The following CYP2W1 variants were observed in gnomAD, a reference collection of about 807,000 sequenced individuals.
CYP2W1 encodes cytochrome P450 family 2 subfamily W member 1, also known as cytochrome P450 2W1.
Under a neutral mutation model 44.9 loss-of-function variants are expected in CYP2W1, and 51 were observed. That is an observed-to-expected ratio of 1.14 (90% CI 0.91 to 1.43). CYP2W1 has a LOEUF of 1.43. CYP2W1 is among the 40% of genes most tolerant of loss of function. The probability of loss-of-function intolerance (pLI) is 0.00; values close to 1 mark genes in which losing one functional copy is unlikely to be tolerated. For synonymous variants in CYP2W1, 383 were observed against 338.3 expected, an observed-to-expected ratio of 1.13 and a Z score of -1.45; for missense variants, 746 against 700.0, an observed-to-expected ratio of 1.07 and a Z score of -0.74.
Position 988,661 on chromosome 7 carries a change from C to A in CYP2W1, c.1312C>A (p.Leu438Met). ...CCGCCGCGTCTGTGTTGGGGAGCGC[C>A]TGGCCAGGACCGAGCTCTTCCTGCT... ...AGRRVCVGERLARTELFLLFA... is the reference protein window; with the variant it reads ...AGRRVCVGERMARTELFLLFA... The change falls in exon 9 of 9, where the codon CTG becomes ATG. Residue 438 changes from leucine to methionine, a missense_variant. By Grantham distance (15) the Leu-to-Met change is conservative. Transcript: ENST00000308919. 2 of 1,601,416 alleles carry A rather than the reference C, an allele frequency of 1.2e-6. No individual in the cohort carries two copies. The highest frequency in any genetic ancestry group is 1.7e-6 in the Non-Finnish European group (2 of 1,179,566).
At chr7:986,023 G>A (rs895332122) in intron 4 of CYP2W1, among the ~76,000 whole-genome samples, 18 of 152,282 alleles carry the variant, frequency 1.2e-4, no homozygotes, top group African/African-American at 4.3e-4. Context: ...GAGCCCACCT[G>A]GAAGATGGAG....
rs1848627307 is a variant in CYP2W1, at chr7:989,110, C to T, written c.*288C>T. ...CCACTCTCCCACCCCTGAAGCTGCA[C>T]TCCCACCCACCTAGCTCCCCCCAGG... On this transcript the variant is annotated 3_prime_UTR_variant, in exon 9 of 9. Coordinates refer to ENST00000308919, the MANE Select transcript of CYP2W1 (RefSeq NM_017781.3). The T allele has an allele frequency of 4.7e-6, 2 of 424,930 alleles. No individual in the cohort carries two copies. Among genetic ancestry groups the T allele is most frequent in the Non-Finnish European group, 8.4e-6 (2 of 239,152 alleles). 26.3% of individuals were successfully genotyped at this position (424,930 alleles called of 1,614,324 possible). A position where few individuals can be genotyped will look rare whatever the true frequency, so the allele number is the denominator to read the frequency against.
At position 983,373 on chromosome 7, in the gene CYP2W1, G is replaced by A; in HGVS notation, c.162G>A (p.Arg54=). The A allele has an allele frequency of 6.6e-7, 1 of 1,520,874 alleles. No homozygotes were observed. The allele number at this position is 1,520,874 out of a possible 1,614,324, so 94.2% of individuals were successfully genotyped here. The part of the protein sequence containing the change: ...LHLLRLSQQD[R]SLMELSERYG... ...TGCTGCGTCTGTCGCAACAGGACCG[G>A]TCCCTGATGGAGGTAAGTCAGGGAG... is the stretch of plus-strand genomic sequence containing the variant. Residue 54 remains arginine (R), a synonymous_variant, in exon 1 of 9, where the codon CGG becomes CGA. Transcript: ENST00000308919.
chr7:987,639 C>A (rs1272039011), intron 7 of CYP2W1, 108 bp downstream of exon 7: 2 of 1,112,742 alleles, frequency 1.8e-6, no homozygotes, highest in Non-Finnish European at 2.5e-6. Flanking sequence ...GATGGCCCAG[C>A]GCTCCCCGAC....
At position 989,229 on chromosome 7, in the gene CYP2W1, C is replaced by G. The variant is rs1848637584; in HGVS notation, c.*407C>G. On this transcript the variant is annotated 3_prime_UTR_variant, in exon 9 of 9. Transcript: ENST00000308919. ...CAGGTGGGTGTCCTCAGCGTGCGAG[C>G]CCTGCACCCCCCAGGTCCTGGGACT... The G allele has an allele frequency of 9.7e-6, 2 of 206,228 alleles. No individual in the cohort carries two copies. Among genetic ancestry groups the G allele is most frequent in the Non-Finnish European group, 2.0e-5 (2 of 102,424 alleles). 12.8% of individuals were successfully genotyped at this position (206,228 alleles called of 1,614,324 possible).
rs61733260 is a variant in CYP2W1 at position 986,749 on chromosome 7, G to A, written c.771G>A (p.Pro257=). ...AGGCGCGGAGGCCCCACGTGTGCCCGGGGGACCCCGTGTGCAGCTATGTGG... is the reference window on the plus strand; with the variant it reads ...AGGCGCGGAGGCCCCACGTGTGCCCAGGGGACCCCGTGTGCAGCTATGTGG... ...LLEARRPHVC[P]GDPVCSYVDA... The change falls in exon 5 of 9, where the codon CCG becomes CCA. Residue 257 remains proline (P), a synonymous_variant. Transcript: ENST00000308919. The A allele has an allele frequency of 4.7e-3, 7,606 of 1,605,546 alleles. 275 individuals are homozygous for A. The African/African-American group carries it at 0.084, about 18-fold the overall frequency.
At chr7:988,179 G>A in intron 7 of CYP2W1, 98 bp from the exon 8 acceptor site, 4 of 1,362,708 alleles carry the variant, frequency 2.9e-6, no homozygotes, top group Non-Finnish European at 4.0e-6. Flanking sequence ...GGTGTGGTGG[G>A]TGTGGCAGGA....
Position 987,627 on chromosome 7 carries a change from C to T in CYP2W1, c.1143+96C>T, listed in dbSNP as rs1848469151. The T allele has an allele frequency of 4.9e-6, 6 of 1,229,868 alleles. 1 individual carries two copies. The highest frequency in any genetic ancestry group is 5.6e-5 in the Admixed American group (2 of 36,036). 76.2% of individuals were successfully genotyped at this position (1,229,868 alleles called of 1,614,324 possible). ...GGACGGCTGAGCGTCTGGTGGGTGC[C>T]TGATGGCCCAGCGCTCCCCGACCGG... On this transcript the variant is annotated intron_variant, in intron 7 of 8. Transcript: ENST00000308919.
rs1480787300 is a variant in CYP2W1 at position 987,189 on chromosome 7, C to A, written c.902C>A (p.Thr301Asn). The A allele has an allele frequency of 3.2e-6, 5 of 1,555,462 alleles. No individual in the cohort carries two copies. The South Asian group carries it at 3.5e-5, about 11-fold the overall frequency. ...ATGGTCATGGCCGGGACGGAGACGA[C>A]CTCGGCCACGCTGCAGTGGGCCGCA... ...LDMVMAGTET[T>N]SATLQWAALL... Residue 301 changes from threonine to asparagine, a missense_variant, in exon 6 of 9, where the codon ACC becomes AAC. Transcript: ENST00000308919.
rs758508511 is a variant in CYP2W1 at position 985,363 on chromosome 7, T to G, written c.645+40T>G. 1.2e-5 allele frequency: 18 copies of G among 1,536,434 alleles called. No individual in the cohort carries two copies. The South Asian group carries it at 2.2e-4, about 18-fold the overall frequency. Reference sequence around the variant, plus strand: ...CCCATCCTTGGGGTGGGGTGGAGCCTGGAGTGATGGGCGTGCAGCAGGAGG... The same window carrying G: ...CCCATCCTTGGGGTGGGGTGGAGCCGGGAGTGATGGGCGTGCAGCAGGAGG... On this transcript the variant is annotated intron_variant, in intron 4 of 8. Coordinates refer to ENST00000308919, the MANE Select transcript of CYP2W1 (RefSeq NM_017781.3).
chr7:984,631 G>C (rs1848187516), intron 2 of CYP2W1, 57 bp downstream of exon 2: 1 of 1,510,832 alleles, frequency 6.6e-7, no homozygotes, highest in Admixed American at 2.3e-5. Context: ...CTGGACCCCA[G>C]GAGGGGTGGG....
At chr7:987,702 C>A (rs1009301507) in intron 7 of CYP2W1, among the ~76,000 whole-genome samples, 171 bp downstream of exon 7, 11 of 152,216 alleles carry the variant, frequency 7.2e-5, no homozygotes, top group African/African-American at 2.4e-4. Flanking sequence ...AGCCCTCTCA[C>A]CCCACAGCCC....
In CYP2W1 at chr7:987,209, G is replaced by A; in HGVS notation, c.922G>A (p.Ala308Thr). ...TETTSATLQW[A>T]ALLMGRHPDV... ...GACGACCTCGGCCACGCTGCAGTGG[G>A]CCGCACTTCTGATGGGCCGGCACCC... The change falls in exon 6 of 9, where the codon GCC (alanine) becomes ACC (threonine). Residue 308 changes from alanine (A) to threonine (T), a missense_variant. Physicochemically the swap from Ala to Thr is moderately conservative, Grantham distance 58. Coordinates refer to ENST00000308919, the MANE Select transcript of CYP2W1 (RefSeq NM_017781.3). The A allele has an allele frequency of 1.9e-6, 3 of 1,546,230 alleles. No homozygotes were observed. The highest frequency in any genetic ancestry group is 2.6e-6 in the Non-Finnish European group (3 of 1,145,558).
At position 984,345 on chromosome 7, in the gene CYP2W1, C is replaced by T. The variant is rs1277192493; in HGVS notation, c.175-67C>T. The T allele has an allele frequency of 7.4e-6, 11 of 1,477,472 alleles. No individual in the cohort carries two copies. The African/African-American group carries it at 2.0e-4, about 27-fold the overall frequency. The allele number at this position is 1,477,472 out of a possible 1,614,324, so 91.5% of individuals were successfully genotyped here. On this transcript the variant is annotated intron_variant, in intron 1 of 8. Transcript: ENST00000308919. Reference sequence around the variant, plus strand: ...CCACCCCTACCCAGCACAGGCCCGGCCTGAGGGGACCTAAGGGGGGTCTTG... The same window carrying T: ...CCACCCCTACCCAGCACAGGCCCGGTCTGAGGGGACCTAAGGGGGGTCTTG...
rs1225564156 is a variant in CYP2W1 at position 987,534 on chromosome 7, G to A, written c.1143+3G>A. On this transcript the variant is annotated splice_donor_region_variant and intron_variant, in intron 7 of 8. Coordinates refer to ENST00000308919, the MANE Select transcript of CYP2W1 (RefSeq NM_017781.3). The stretch of plus-strand genomic sequence containing the variant: ...TGGGCGGCTTCCTGCTCCCCAAGGT[G>A]GGGCTGGGCCTCCCTTGCCCCTTCC... 6.6e-7 allele frequency: 1 copy of A among 1,516,634 alleles called. No individual in the cohort carries two copies. Among genetic ancestry groups the A allele is most frequent in the Non-Finnish European group, 8.8e-7 (1 of 1,132,396 alleles). The allele number at this position is 1,516,634 out of a possible 1,614,324, so 93.9% of individuals were successfully genotyped here. A position where few individuals can be genotyped will look rare whatever the true frequency, so the allele number is the denominator to read the frequency against.
Position 985,081 on chromosome 7 carries a change from C to G in CYP2W1, c.469C>G (p.Gln157Glu), listed in dbSNP as rs1198153878. The stretch of plus-strand genomic sequence containing the variant: ...GCAGGAGCTGAAATGCCTCTCTGGG[C>G]AGCTGGATGGCTACAGAGGTGAGCA... ...ILQELKCLSGQLDGYRGRPFP... is the reference protein window; with the variant it reads ...ILQELKCLSGELDGYRGRPFP... Residue 157 changes from glutamine (Q) to glutamate (E), a missense_variant, in exon 3 of 9, where the codon CAG becomes GAG. By Grantham distance (29) the Gln-to-Glu change is conservative. Transcript: ENST00000308919. The G allele has an allele frequency of 1.2e-6, 2 of 1,612,200 alleles. No homozygotes were observed. The highest frequency in any genetic ancestry group is 1.7e-6 in the Non-Finnish European group (2 of 1,179,728).
In CYP2W1 at chr7:983,271, C is replaced by G. The variant is rs929058162; in HGVS notation, c.60C>G (p.Ala20=). 5.2e-6 allele frequency: 8 copies of G among 1,543,648 alleles called. No homozygotes were observed. The highest frequency in any genetic ancestry group is 5.2e-6 in the Non-Finnish European group (6 of 1,144,796). The part of the protein sequence containing the change: ...GLLGLWGLLC[A]CAQDPSPAAR... The stretch of plus-strand genomic sequence containing the variant: ...TGGGGCTCTGGGGGCTGCTCTGCGC[C>G]TGCGCCCAAGACCCCTCCCCAGCTG... Residue 20 remains alanine (A), a synonymous_variant, in exon 1 of 9, where the codon GCC becomes GCG. Coordinates refer to ENST00000308919, the MANE Select transcript of CYP2W1 (RefSeq NM_017781.3).
In CYP2W1 at chr7:988,779, T is replaced by C. The variant is rs774534028; in HGVS notation, c.1430T>C (p.Met477Thr). Residue 477 changes from methionine to threonine, a missense_variant, in exon 9 of 9, where the codon ATG becomes ACG. Transcript: ENST00000308919. ...LDTTPARAFTMRPRAQALCAV... is the reference protein window; with the variant it reads ...LDTTPARAFTTRPRAQALCAV... ...ACCACGCCCGCCCGGGCTTTTACCATGAGGCCGAGGGCCCAGGCCCTGTGT... is the reference window on the plus strand; with the variant it reads ...ACCACGCCCGCCCGGGCTTTTACCACGAGGCCGAGGGCCCAGGCCCTGTGT... 4 of 1,596,958 alleles carry C rather than the reference T, an allele frequency of 2.5e-6. No homozygotes were observed. Among genetic ancestry groups the C allele is most frequent in the East Asian group, 4.5e-5 (2 of 44,822 alleles).
At chr7:984,299 GC>G (rs751693758) in intron 1 of CYP2W1, 112 bp from the exon 2 acceptor site, 1 of 1,371,348 alleles carries the variant, frequency 7.3e-7, no homozygotes, top group South Asian at 1.5e-5. Flanking sequence ...CCCTCCACCT[GC>G]CCCCATTTTC....
Sources: gnomAD v4.1 joint callset for allele counts (sites outside exome capture counted in the v4.1 genomes callset) on GRCh38, gnomAD v4.1.1 for gene constraint, MANE v1.5 for transcripts, NCBI Gene and HGNC (gene_info 2026-07-23, HGNC 2026-07-21) for gene names.